The following DLG2 variants were observed in gnomAD, a reference collection of about 807,000 sequenced individuals.
DLG2 encodes discs large MAGUK scaffold protein 2.
Under a neutral mutation model 132.5 loss-of-function variants are expected in DLG2, and 45 were observed. That is an observed-to-expected ratio of 0.34 (90% CI 0.27 to 0.44). DLG2 has a LOEUF of 0.44. Ranked by LOEUF, DLG2 falls within the 20% of genes least tolerant of loss-of-function variation. The pLI is 1.00. For synonymous variants in DLG2, 424 were observed against 419.6 expected (o/e 1.01, Z -0.13); for missense variants, 1,045 against 1,196.9 (o/e 0.87, Z 1.87).
At chr11:83,670,789 A>C (rs1252099373) in intron 18 of DLG2, among the ~76,000 whole-genome samples, 2 of 152,188 alleles carry the variant, frequency 1.3e-5, no homozygotes, top group Non-Finnish European at 2.9e-5. Context: ...ATTTTTGGGC[A>C]TGTACATGTT....
At chr11:84,365,292 A>G (rs1000235144) in intron 7 of DLG2, among the ~76,000 whole-genome samples, 1 of 151,948 alleles carries the variant, frequency 6.6e-6, no homozygotes, top group African/African-American at 2.4e-5. Context: ...TTTCTAGTTT[A>G]TTTGCGTAGA....
intron 17 of DLG2, chr11:83,789,899 GA>G (rs2041073793): frequency 1.3e-6 from 1 of 752,930 alleles, no homozygotes. Flanking sequence ...TGATGGCAAT[GA>G]AAGTTTGTAA....
At chr11:84,074,904 T>G (rs1293803364) in intron 10 of DLG2, among the ~76,000 whole-genome samples, 2 of 152,194 alleles carry the variant, frequency 1.3e-5, no homozygotes, top group Non-Finnish European at 2.9e-5. Flanking sequence ...TCTTCCTATG[T>G]AATTTAAATT....
intron 7 of DLG2, among the ~76,000 whole-genome samples, chr11:84,519,374 A>C (rs2099286667): frequency 6.6e-6 from 1 of 152,170 alleles, no homozygotes; most frequent in South Asian, 2.1e-4. Context: ...AACTTCCATC[A>C]AGCATAAAGA....
At chr11:85,523,784 G>A (rs775190220) in intron 3 of DLG2, among the ~76,000 whole-genome samples, 3 of 152,094 alleles carry the variant, frequency 2.0e-5, no homozygotes, top group East Asian at 1.9e-4. Context: ...GCACTCCCAC[G>A]TTTATTGCAG....
intron 4 of DLG2, among the ~76,000 whole-genome samples, chr11:85,238,446 G>T (rs1329596326): frequency 6.6e-6 from 1 of 151,764 alleles, no homozygotes; most frequent in East Asian, 1.9e-4. Flanking sequence ...GTTTCACCAT[G>T]TTAGCCAGGC....
chr11:84,770,257 G>A (rs2069088554), intron 6 of DLG2, among the ~76,000 whole-genome samples: 1 of 152,160 alleles, frequency 6.6e-6, no homozygotes, highest in African/African-American at 2.4e-5. Flanking sequence ...AGATGCTGGT[G>A]TCATGCTTCC....
chr11:84,582,655 A>G (rs534074837), intron 6 of DLG2, among the ~76,000 whole-genome samples: 4 of 152,084 alleles, frequency 2.6e-5, no homozygotes, highest in Non-Finnish European at 5.9e-5. Flanking sequence ...GTATATTTGT[A>G]TATATTAACA....
chr11:83,551,492 C>A (rs1265374378), intron 19 of DLG2, among the ~76,000 whole-genome samples: 1 of 152,156 alleles, frequency 6.6e-6, no homozygotes, highest in Non-Finnish European at 1.5e-5. Flanking sequence ...ATCCTTAGTA[C>A]CATCATAGCA....
chr11:85,468,151 G>T (rs1009684703), intron 3 of DLG2, among the ~76,000 whole-genome samples: 1 of 151,940 alleles, frequency 6.6e-6, no homozygotes, highest in African/African-American at 2.4e-5. Context: ...GGGATCGATG[G>T]TGATATCCCC....
At chr11:83,947,972 T>C (rs1390367663) in intron 14 of DLG2, among the ~76,000 whole-genome samples, 1 of 152,148 alleles carries the variant, frequency 6.6e-6, no homozygotes, top group African/African-American at 2.4e-5. Context: ...TCATAGGAAT[T>C]AAAATGAGAA....
intron 6 of DLG2, among the ~76,000 whole-genome samples, chr11:84,743,467 T>C (rs559220801): frequency 3.3e-5 from 5 of 152,152 alleles, no homozygotes; most frequent in Non-Finnish European, 4.4e-5. Context: ...TTAGCATTCA[T>C]TGAGTTCTAT....
upstream of DLG2, chr11:85,627,496 A>G (rs1218263645): frequency 6.6e-6 from 1 of 152,212 alleles, no homozygotes; most frequent in African/African-American, 2.4e-5. Flanking sequence ...GCAGCTCCCT[A>G]TCCGGCGAGG....
At chr11:85,186,148 A>C (rs944261707) in intron 4 of DLG2, among the ~76,000 whole-genome samples, 2 of 151,964 alleles carry the variant, frequency 1.3e-5, no homozygotes, top group African/African-American at 4.8e-5. Context: ...TGCACTGTTA[A>C]ATAGAGACAT....
At chr11:84,844,167 ATAT>A (rs2081174744) in intron 6 of DLG2, among the ~76,000 whole-genome samples, 2 of 131,868 alleles carry the variant, frequency 1.5e-5, no homozygotes, top group Non-Finnish European at 3.2e-5. Context: ...ATATATATAT[ATAT>A]ATGTATCTCC....
At position 84,142,319 on chromosome 11, in the gene DLG2, C is replaced by CA. The variant is rs71066094; in HGVS notation, c.624+21141dup. The stretch of plus-strand genomic sequence containing the variant: ...CTGGAGACAGAGTGAGAATCCATCT[C>CA]AAAAAAAAAAAAAAAAAAAGAAAAG... On this transcript the variant is annotated intron_variant, in intron 9 of 27. Transcript: ENST00000376104. Among the ~76,000 whole-genome samples, 128 of 86,820 alleles carry CA rather than the reference C, an allele frequency of 1.5e-3. 2 individuals are homozygous for CA. Among genetic ancestry groups the CA allele is most frequent in the Middle Eastern group, 5.3e-3 (1 of 188 alleles). The allele number at this position is 86,820 out of a possible 152,430, so 57.0% of individuals were successfully genotyped here.
At chr11:84,015,731 C>T (rs1017812660) in intron 11 of DLG2, among the ~76,000 whole-genome samples, 9 of 152,276 alleles carry the variant, frequency 5.9e-5, no homozygotes, top group Non-Finnish European at 1.0e-4. Flanking sequence ...CTCTTTATGG[C>T]TGCATAGCAT....
intron 19 of DLG2, among the ~76,000 whole-genome samples, chr11:83,587,913 T>C (rs1417297385): frequency 6.6e-6 from 1 of 152,168 alleles, no homozygotes. Context: ...CACTCCCACC[T>C]GAATACTGAG....
chr11:84,267,835 C>T (rs1275134982), intron 7 of DLG2, among the ~76,000 whole-genome samples: 2 of 152,232 alleles, frequency 1.3e-5, no homozygotes. Context: ...GCACCATTGT[C>T]AACCTGTAGG....
Sources: gnomAD v4.1 joint callset for allele counts (sites outside exome capture counted in the v4.1 genomes callset) on GRCh38, gnomAD v4.1.1 for gene constraint, MANE v1.5 for transcripts, NCBI Gene and HGNC (gene_info 2026-07-23, HGNC 2026-07-21) for gene names.